UBXN2B: variants seen among roughly 807,000 people sequenced by gnomAD.
UBXN2B encodes the protein UBX domain protein 2B, also known as UBX domain-containing protein 2B.
In UBXN2B, 19 loss-of-function variants were observed where a neutral mutation model predicts 37.5. The observed-to-expected ratio is 0.51, with a 90% CI of 0.35 to 0.74. The LOEUF (loss-of-function observed/expected upper bound fraction) is 0.74, where lower values mean the gene tolerates loss of function less well. UBXN2B is among the 30% of genes least tolerant of loss of function. UBXN2B has a pLI of 0.01. For synonymous variants in UBXN2B, 145 were observed against 143.8 expected (o/e 1.01, Z -0.06); for missense variants, 370 against 393.2 (o/e 0.94, Z 0.50).
chr8:58,411,459 G>A lies in UBXN2B; in HGVS notation c.74G>A (p.Arg25Gln), dbSNP rs750281670. 175 of 1,254,250 alleles carry A rather than the reference G, an allele frequency of 1.4e-4. No individual in the cohort carries two copies. The highest frequency in any genetic ancestry group is 1.7e-4 in the Non-Finnish European group (166 of 994,280). The allele number at this position is 1,254,250 out of a possible 1,614,324, so 77.7% of individuals were successfully genotyped here. Residue 25 changes from arginine to glutamine, a missense_variant, in exon 1 of 8, where the codon CGG becomes CAG. Transcript: ENST00000399598. ...RSSGPRPPSA[R>Q]DLQLALAELY... Reference sequence around the variant, plus strand: ...TCCGGGCCGCGGCCTCCGAGCGCGCGGGATTTGCAGGTGAGGCGAGGAGCC... The same window carrying A: ...TCCGGGCCGCGGCCTCCGAGCGCGCAGGATTTGCAGGTGAGGCGAGGAGCC...
intron 6 of UBXN2B, among the ~76,000 whole-genome samples, chr8:58,441,730 G>A (rs1808555840): frequency 6.6e-6 from 1 of 152,050 alleles, no homozygotes; most frequent in East Asian, 1.9e-4. Flanking sequence ...TTCCTTATAA[G>A]GCAAATAGAG....
intron 6 of UBXN2B, among the ~76,000 whole-genome samples, chr8:58,443,502 A>G (rs1391348718): frequency 6.6e-6 from 1 of 151,408 alleles, no homozygotes; most frequent in Non-Finnish European, 1.5e-5. Context: ...ATTAGAATTA[A>G]CATAACTTGC....
At chr8:58,446,293 G>A (rs1398262944) in intron 7 of UBXN2B, among the ~76,000 whole-genome samples, 1 of 152,158 alleles carries the variant, frequency 6.6e-6, no homozygotes, top group Non-Finnish European at 1.5e-5. Context: ...AAATACTAAT[G>A]TGATCTCAGA....
intron 2 of UBXN2B, chr8:58,424,656 T>C: frequency 8.3e-7 from 1 of 1,211,686 alleles, no homozygotes; most frequent in Non-Finnish European, 1.2e-6. Flanking sequence ...TCTGCTCTCA[T>C]TTCTGCACAG....
chr8:58,413,069 G>A (rs1585589667), intron 1 of UBXN2B, among the ~76,000 whole-genome samples: 1 of 152,192 alleles, frequency 6.6e-6, no homozygotes, highest in East Asian at 1.9e-4. Context: ...CAAATTGTTT[G>A]CAGTCTTAAT....
intron 4 of UBXN2B, 60 bp from the exon 5 acceptor site, chr8:58,434,335 T>A: frequency 2.0e-6 from 1 of 496,282 alleles, no homozygotes; most frequent in Non-Finnish European, 3.0e-6. Context: ...AGATATATTC[T>A]TATGTATATG....
intron 5 of UBXN2B, among the ~76,000 whole-genome samples, chr8:58,436,971 A>G (rs1195954553): frequency 6.6e-6 from 1 of 152,336 alleles, no homozygotes; most frequent in Admixed American, 6.5e-5. Flanking sequence ...GGAGTAGGGC[A>G]TTGCTCTAAA....
chr8:58,421,799 A>G lies in UBXN2B; in HGVS notation c.188+4846A>G, dbSNP rs572848473. On this transcript the variant is annotated intron_variant, in intron 2 of 7. Transcript: ENST00000399598. ...GATAAGCCTTAGCAACCTAGGGACT[A>G]TGATAACTCTGGCCTTGGCCTAAGG... 3.1e-4 allele frequency among the ~76,000 whole-genome samples: 48 copies of G among 152,388 alleles called. 1 individual carries two copies. In the South Asian group the frequency reaches 9.3e-3, roughly 30 times the overall value.
intron 1 of UBXN2B, among the ~76,000 whole-genome samples, chr8:58,413,640 A>G (rs1460100723): frequency 6.6e-6 from 1 of 152,180 alleles, no homozygotes; most frequent in African/African-American, 2.4e-5. Flanking sequence ...CATGCAGTGT[A>G]GGGTTTGTCA....
intron 6 of UBXN2B, among the ~76,000 whole-genome samples, chr8:58,444,896 G>A (rs577812083): frequency 1.2e-4 from 18 of 152,282 alleles, no homozygotes; most frequent in Non-Finnish European, 7.4e-5. Context: ...TGAGAGAGAA[G>A]CTTTTTGAAT....
At chr8:58,429,513 G>C (rs1808192482) in intron 2 of UBXN2B, among the ~76,000 whole-genome samples, 1 of 152,168 alleles carries the variant, frequency 6.6e-6, no homozygotes, top group South Asian at 2.1e-4. Context: ...GCAGTTTGTG[G>C]GGTTTAGTAG....
chr8:58,428,697 C>T (rs1269884605), intron 2 of UBXN2B, among the ~76,000 whole-genome samples: 6 of 152,062 alleles, frequency 3.9e-5, no homozygotes, highest in African/African-American at 1.4e-4. Context: ...TATTTTTGCC[C>T]CAAACATTCA....
chr8:58,426,776 G>T (rs1157375348), intron 2 of UBXN2B: 2 of 620,562 alleles, frequency 3.2e-6, no homozygotes, highest in Non-Finnish European at 6.0e-6. Context: ...AGGGAGGCCC[G>T]CTCGGGACCA....
At chr8:58,435,029 A>C in intron 5 of UBXN2B, 1 of 1,481,648 alleles carries the variant, frequency 6.7e-7, no homozygotes, top group Non-Finnish European at 8.9e-7. Context: ...GTAACTTACC[A>C]GCTCTTCTTG....
intron 6 of UBXN2B, among the ~76,000 whole-genome samples, chr8:58,444,715 TAAAAAGA>T (rs1808630592): frequency 6.6e-6 from 1 of 152,200 alleles, no homozygotes; most frequent in Non-Finnish European, 1.5e-5. Flanking sequence ...AATTCCAAAT[TAAAAAGA>T]AATTCCTTAA....
chr8:58,447,269 A>G, intron 7 of UBXN2B, 120 bp from the exon 8 acceptor site: 1 of 908,686 alleles, frequency 1.1e-6, no homozygotes, highest in Non-Finnish European at 1.6e-6. Flanking sequence ...TATATTAAAG[A>G]AAGTTACAAC....
At chr8:58,417,158 CA>C in intron 2 of UBXN2B, among the ~76,000 whole-genome samples, 1 of 151,860 alleles carries the variant, frequency 6.6e-6, no homozygotes, top group Non-Finnish European at 1.5e-5. Flanking sequence ...ATCAGAAAGC[CA>C]AAAGAAACTT....
intron 2 of UBXN2B, among the ~76,000 whole-genome samples, chr8:58,417,213 A>G (rs1807808141): frequency 6.6e-6 from 1 of 152,188 alleles, no homozygotes; most frequent in African/African-American, 2.4e-5. Flanking sequence ...GGTAGATATC[A>G]TATGAAATTA....
intron 2 of UBXN2B, among the ~76,000 whole-genome samples, chr8:58,423,781 T>A (rs1053714839): frequency 1.3e-5 from 2 of 151,942 alleles, no homozygotes; most frequent in African/African-American, 4.8e-5. Flanking sequence ...AGGGTAAGTT[T>A]GTCAGCAACA....
Sources: gnomAD v4.1 joint callset for allele counts (sites outside exome capture counted in the v4.1 genomes callset) on GRCh38, gnomAD v4.1.1 for gene constraint, MANE v1.5 for transcripts, NCBI Gene and HGNC (gene_info 2026-07-23, HGNC 2026-07-21) for gene names.